STK32B: variants seen among roughly 807,000 people sequenced by gnomAD.
STK32B encodes serine/threonine-protein kinase 32B.
Under a neutral mutation model 52.6 loss-of-function variants are expected in STK32B, and 43 were observed. The ratio of observed to expected loss-of-function variants is 0.82; its 90% CI spans 0.64 to 1.05. The LOEUF is 1.05. Among genes scored for constraint, STK32B ranks in the 50% least tolerant of loss-of-function variants. The probability of loss-of-function intolerance (pLI) is 0.00; values close to 1 mark genes in which losing one functional copy is unlikely to be tolerated. For synonymous variants in STK32B, 238 were observed against 204.3 expected (o/e 1.17, Z -1.41); for missense variants, 621 against 534.6 (o/e 1.16, Z -1.59).
chr4:5,481,666 A>G (rs568802778), intron 11 of STK32B, among the ~76,000 whole-genome samples: 2 of 152,158 alleles, frequency 1.3e-5, no homozygotes, highest in African/African-American at 2.4e-5. Context: ...GCCCATGCCT[A>G]TGTCCTGAAT....
intron 3 of STK32B, among the ~76,000 whole-genome samples, chr4:5,197,770 G>A (rs1310996089): frequency 6.6e-6 from 1 of 152,090 alleles, no homozygotes; most frequent in East Asian, 1.9e-4. Context: ...TTTATCTTTG[G>A]AAGTGATTTT....
At chr4:5,127,423 CA>C (rs1715473219) in intron 1 of STK32B, among the ~76,000 whole-genome samples, 1 of 152,188 alleles carries the variant, frequency 6.6e-6, no homozygotes. Context: ...CCTGATTCTT[CA>C]TCGGTGGCAC....
chr4:5,262,120 C>T (rs577152829), intron 3 of STK32B, among the ~76,000 whole-genome samples: 3 of 151,954 alleles, frequency 2.0e-5, no homozygotes, highest in Non-Finnish European at 2.9e-5. Flanking sequence ...CATGTTTGTC[C>T]ACTCTCTCTG....
intron 3 of STK32B, among the ~76,000 whole-genome samples, chr4:5,258,664 T>C (rs73797161): frequency 0.052 from 7,974 of 152,160 alleles, 290 homozygotes; most frequent in African/African-American, 0.11. Flanking sequence ...ATCCAGTCAC[T>C]TCTCAGCATC....
At chr4:5,266,969 G>T (rs1727093728) in intron 3 of STK32B, among the ~76,000 whole-genome samples, 1 of 152,044 alleles carries the variant, frequency 6.6e-6, no homozygotes, top group Non-Finnish European at 1.5e-5. Flanking sequence ...CTGCAGCACA[G>T]GTTAAATAAA....
intron 3 of STK32B, among the ~76,000 whole-genome samples, chr4:5,193,946 A>C (rs1721436938): frequency 6.6e-6 from 1 of 152,162 alleles, no homozygotes. Flanking sequence ...CTGTCTTGGC[A>C]GGGCGTGCGT....
At chr4:5,150,298 C>T (rs1412993058) in intron 2 of STK32B, among the ~76,000 whole-genome samples, 1 of 152,122 alleles carries the variant, frequency 6.6e-6, no homozygotes, top group African/African-American at 2.4e-5. Context: ...GTAGCATAGT[C>T]ATAGCAACTG....
At chr4:5,023,677 G>A in the STK32B span, among the ~76,000 whole-genome samples, 2 of 152,144 alleles carry the variant, frequency 1.3e-5, no homozygotes, top group Non-Finnish European at 2.9e-5. Context: ...CCCACTTCGT[G>A]AACCCTTTTA....
chr4:5,494,348 T>C (rs1720018291), intron 11 of STK32B, among the ~76,000 whole-genome samples: 1 of 151,942 alleles, frequency 6.6e-6, no homozygotes, highest in Non-Finnish European at 1.5e-5. Context: ...CTTGTCTCTT[T>C]TGATCTTTGT....
intron 3 of STK32B, among the ~76,000 whole-genome samples, chr4:5,322,170 A>G (rs1412475343): frequency 1.3e-5 from 2 of 152,104 alleles, no homozygotes; most frequent in Non-Finnish European, 2.9e-5. Context: ...TTTGTCTATG[A>G]AAAATAATAA....
chr4:5,480,859 T>A (rs1718640896), intron 11 of STK32B, among the ~76,000 whole-genome samples: 1 of 152,128 alleles, frequency 6.6e-6, no homozygotes, highest in Non-Finnish European at 1.5e-5. Context: ...TGCGATAGTT[T>A]GCTGAGAATG....
At chr4:5,038,915 A>G in the STK32B span, among the ~76,000 whole-genome samples, 1 of 151,820 alleles carries the variant, frequency 6.6e-6, no homozygotes, top group African/African-American at 2.4e-5. Flanking sequence ...ATATTTTTAA[A>G]CTTTTTGACT....
chr4:5,490,135 C>G (rs1362239104), intron 11 of STK32B, among the ~76,000 whole-genome samples: 5 of 147,448 alleles, frequency 3.4e-5, no homozygotes, highest in Non-Finnish European at 1.5e-5. Context: ...TCTAGACAGT[C>G]TCACTCTGCC....
chr4:5,232,286 TTTGA>T (rs1198655568), intron 3 of STK32B, among the ~76,000 whole-genome samples: 1 of 152,228 alleles, frequency 6.6e-6, no homozygotes, highest in African/African-American at 2.4e-5. Flanking sequence ...ATATGTGGAC[TTTGA>T]TTAATGTATT....
chr4:5,344,642 C>G (rs113064306), intron 4 of STK32B, among the ~76,000 whole-genome samples: 47 of 151,494 alleles, frequency 3.1e-4, no homozygotes, highest in African/African-American at 1.1e-3. Flanking sequence ...TGAACCTTAT[C>G]TGAGTTTTTT....
intron 3 of STK32B, among the ~76,000 whole-genome samples, chr4:5,227,685 T>C (rs888737073): frequency 3.3e-5 from 5 of 152,200 alleles, no homozygotes; most frequent in African/African-American, 1.2e-4. Context: ...AGCTTACAAC[T>C]CAATTGCAAA....
At chr4:5,025,304 G>C in the STK32B span, among the ~76,000 whole-genome samples, 1 of 152,108 alleles carries the variant, frequency 6.6e-6, no homozygotes, top group African/African-American at 2.4e-5. Context: ...ATAGTGATGT[G>C]AGGATGTGAG....
chr4:5,062,419 T>C (rs1560132089), intron 1 of STK32B, among the ~76,000 whole-genome samples: 1 of 152,310 alleles, frequency 6.6e-6, no homozygotes, highest in East Asian at 1.9e-4. Context: ...ATAGAGCATG[T>C]AGAATTCCCC....
At chr4:5,401,287 T>C (rs1385940762) in intron 5 of STK32B, among the ~76,000 whole-genome samples, 6 of 152,196 alleles carry the variant, frequency 3.9e-5, no homozygotes, top group East Asian at 3.9e-4. Context: ...GTAAACTGCA[T>C]GACAAAACCT....
Sources: allele counts gnomAD v4.1 joint callset (sites outside exome capture counted in the v4.1 genomes callset), GRCh38; gene constraint gnomAD v4.1.1; transcripts MANE v1.5; gene names NCBI Gene and HGNC (gene_info 2026-07-23, HGNC 2026-07-21).